Variants in WDFY2 observed in about 807,000 individuals in gnomAD.
WDFY2 encodes WD repeat and FYVE domain-containing protein 2.
WDFY2 carries 36 observed loss-of-function variants against 56.4 expected under a neutral mutation model. That is an observed-to-expected ratio of 0.64 (90% confidence interval 0.49 to 0.84). The LOEUF is 0.84. WDFY2 is among the 40% of genes least tolerant of loss of function. The probability of loss-of-function intolerance (pLI) is 0.00; values close to 1 mark genes in which losing one functional copy is unlikely to be tolerated. For synonymous variants in WDFY2, 176 were observed against 183.7 expected (o/e 0.96, Z 0.34); for missense variants, 444 against 512.2 (o/e 0.87, Z 1.29).
chr13:51,708,009 A>G (rs1361097803), intron 4 of WDFY2, among the ~76,000 whole-genome samples: 1 of 114,158 alleles, frequency 8.8e-6, no homozygotes, highest in Non-Finnish European at 1.6e-5. Context: ...GGCTGGAGTG[A>G]AGTGGCACAA....
At chr13:51,703,099 T>A (rs1241933739) in intron 3 of WDFY2, among the ~76,000 whole-genome samples, 1 of 152,236 alleles carries the variant, frequency 6.6e-6, no homozygotes, top group Non-Finnish European at 1.5e-5. Context: ...GCCAAGGTAC[T>A]GTGCCCGGTG....
intron 4 of WDFY2, among the ~76,000 whole-genome samples, chr13:51,718,848 C>G (rs904408180): frequency 6.6e-6 from 1 of 152,232 alleles, no homozygotes; most frequent in Non-Finnish European, 1.5e-5. Context: ...GGATGTGGCT[C>G]TCTCCAGTCC....
At chr13:51,624,052 T>TGA (rs1330699624) in intron 1 of WDFY2, among the ~76,000 whole-genome samples, 2 of 152,168 alleles carry the variant, frequency 1.3e-5, no homozygotes, top group Non-Finnish European at 2.9e-5. Context: ...TAATAAAGGA[T>TGA]GACGAATTAG....
At chr13:51,635,517 A>G (rs527240425) in intron 1 of WDFY2, among the ~76,000 whole-genome samples, 6 of 152,314 alleles carry the variant, frequency 3.9e-5, no homozygotes, top group South Asian at 2.1e-4. Context: ...CTTTTCACCA[A>G]ACTTCCTGCA....
intron 10 of WDFY2, among the ~76,000 whole-genome samples, chr13:51,757,522 A>G (rs888279548): frequency 1.3e-5 from 2 of 151,874 alleles, no homozygotes; most frequent in Non-Finnish European, 2.9e-5. Context: ...TGATAAGAGC[A>G]GTCTCCTAGA....
At chr13:51,628,375 C>T (rs529243376) in intron 1 of WDFY2, among the ~76,000 whole-genome samples, 3 of 152,324 alleles carry the variant, frequency 2.0e-5, no homozygotes, top group South Asian at 2.1e-4. Context: ...GAAATCAGAG[C>T]GGACGCCAGG....
chr13:51,735,828 C>G (rs951491981), intron 6 of WDFY2, among the ~76,000 whole-genome samples: 2 of 152,116 alleles, frequency 1.3e-5, no homozygotes, highest in Non-Finnish European at 2.9e-5. Flanking sequence ...CTACACCATC[C>G]TAAACTTTTT....
chr13:51,631,703 C>T (rs1435073933), intron 1 of WDFY2, among the ~76,000 whole-genome samples: 2 of 152,038 alleles, frequency 1.3e-5, no homozygotes, highest in African/African-American at 2.4e-5. Context: ...AACATTGACA[C>T]GCATTATTTA....
In WDFY2 at chr13:51,702,223, A is replaced by G. The variant is rs535891038; in HGVS notation, c.280-1373A>G. Among the ~76,000 whole-genome samples, 4 of 152,122 alleles carry G rather than the reference A, an allele frequency of 2.6e-5. No homozygotes were observed. In the South Asian group the frequency reaches 6.2e-4, roughly 24 times the overall value. On this transcript the variant is annotated intron_variant, in intron 3 of 11. Transcript: ENST00000298125. ...GCTACTAGGGAGGCTGAGGCAGGAGAATTACTTGAACCTGGGAGGCAGAGG... is the reference window on the plus strand; with the variant it reads ...GCTACTAGGGAGGCTGAGGCAGGAGGATTACTTGAACCTGGGAGGCAGAGG...
At chr13:51,696,019 G>C (rs565542337) in intron 3 of WDFY2, among the ~76,000 whole-genome samples, 1 of 152,354 alleles carries the variant, frequency 6.6e-6, no homozygotes, top group East Asian at 1.9e-4. Context: ...CGTTTTTAAA[G>C]CCCATCGGAA....
intron 1 of WDFY2, among the ~76,000 whole-genome samples, chr13:51,655,324 T>C (rs1955487305): frequency 6.6e-6 from 1 of 152,182 alleles, no homozygotes; most frequent in Non-Finnish European, 1.5e-5. Context: ...ATGTTAAGTG[T>C]GGATTTTTCA....
At chr13:51,628,478 G>A (rs369724114) in intron 1 of WDFY2, among the ~76,000 whole-genome samples, 1 of 152,338 alleles carries the variant, frequency 6.6e-6, no homozygotes, top group African/African-American at 2.4e-5. Context: ...GGATGCTCGT[G>A]TCTGGAGCTT....
At chr13:51,634,241 T>C (rs1046835392) in intron 1 of WDFY2, among the ~76,000 whole-genome samples, 1 of 151,842 alleles carries the variant, frequency 6.6e-6, no homozygotes, top group Admixed American at 6.6e-5. Flanking sequence ...ACTGATAGTG[T>C]AGTCTTGCAA....
chr13:51,686,611 A>G (rs1184154270), intron 3 of WDFY2, among the ~76,000 whole-genome samples: 1 of 152,134 alleles, frequency 6.6e-6, no homozygotes, highest in Non-Finnish European at 1.5e-5. Context: ...TGCCAAATGT[A>G]TATTTTTGTT....
intron 1 of WDFY2, among the ~76,000 whole-genome samples, chr13:51,635,464 AT>A (rs539391794): frequency 6.6e-6 from 1 of 152,162 alleles, no homozygotes; most frequent in Non-Finnish European, 1.5e-5. Context: ...CCTATAAGCC[AT>A]TTTTTTCGGC....
At chr13:51,649,353 C>A (rs77930149) in intron 1 of WDFY2, among the ~76,000 whole-genome samples, 3,616 of 151,626 alleles carry the variant, frequency 0.024, 64 homozygotes, top group Non-Finnish European at 0.033. Context: ...TTGGCCCTGT[C>A]CTGTTACTGC....
At position 51,660,583 on chromosome 13, in the gene WDFY2, T is replaced by C. The variant is rs974761698; in HGVS notation, c.138-13T>C. On this transcript the variant is annotated splice_polypyrimidine_tract_variant and intron_variant, in intron 1 of 11. Transcript: ENST00000298125. ...ATAATGTGATTTCATGTACATATTTTCTTCTGTTGTAGGACAGTTCGTGTT... is the reference window on the plus strand; with the variant it reads ...ATAATGTGATTTCATGTACATATTTCCTTCTGTTGTAGGACAGTTCGTGTT... The C allele has an allele frequency of 6.2e-6, 10 of 1,612,080 alleles. No homozygotes were observed. The Admixed American group carries it at 1.3e-4, about 22-fold the overall frequency.
intron 3 of WDFY2, among the ~76,000 whole-genome samples, chr13:51,681,752 CTT>C (rs1955980824): frequency 6.6e-6 from 1 of 152,058 alleles, no homozygotes; most frequent in South Asian, 2.1e-4. Flanking sequence ...GGAAAATAGT[CTT>C]AGAGTGCTGA....
intron 4 of WDFY2, among the ~76,000 whole-genome samples, chr13:51,705,973 A>G (rs1446031290): frequency 6.6e-6 from 1 of 152,260 alleles, no homozygotes; most frequent in Non-Finnish European, 1.5e-5. Context: ...TCTTAAATGT[A>G]TAAGCATAAC....
Sources: gnomAD v4.1 joint callset for allele counts (sites outside exome capture counted in the v4.1 genomes callset) on GRCh38, gnomAD v4.1.1 for gene constraint, MANE v1.5 for transcripts, NCBI Gene and HGNC (gene_info 2026-07-23, HGNC 2026-07-21) for gene names.